NRG1: variants seen among roughly 807,000 people sequenced by gnomAD.
NRG1 encodes neuregulin 1, also known as pro-neuregulin-1, membrane-bound isoform.
Under a neutral mutation model 63.8 loss-of-function variants are expected in NRG1, and 18 were observed. The ratio of observed to expected loss-of-function variants is 0.28; its 90% CI spans 0.19 to 0.42. NRG1 has a LOEUF of 0.42. Among genes scored for constraint, NRG1 ranks in the 10% least tolerant of loss-of-function variants. The pLI is 1.00. For missense variants in NRG1, 762 were observed against 814.7 expected, an observed-to-expected ratio of 0.94 and a Z score of 0.79; for synonymous variants, 302 against 301.3, an observed-to-expected ratio of 1.00 and a Z score of -0.02.
chr8:32,453,775 G>A (rs1327667736), intron 1 of NRG1, among the ~76,000 whole-genome samples: 3 of 152,142 alleles, frequency 2.0e-5, no homozygotes, highest in Non-Finnish European at 2.9e-5. Flanking sequence ...AATAACTGAA[G>A]AAACCAGGTT....
At chr8:31,659,200 G>A (rs77828056) in intron 1 of NRG1, among the ~76,000 whole-genome samples, 3,818 of 152,272 alleles carry the variant, frequency 0.025, 90 homozygotes, top group Middle Eastern at 0.034. Flanking sequence ...TGCAGCGAGG[G>A]TTCCTTCACT....
intron 1 of NRG1, among the ~76,000 whole-genome samples, chr8:32,235,894 A>AT: frequency 6.6e-6 from 1 of 152,336 alleles, no homozygotes; most frequent in African/African-American, 2.4e-5. Flanking sequence ...TGAAGAACAG[A>AT]TAACTGCATT....
At chr8:32,403,822 T>A (rs1324089536) in intron 1 of NRG1, among the ~76,000 whole-genome samples, 2 of 152,124 alleles carry the variant, frequency 1.3e-5, no homozygotes, top group Non-Finnish European at 2.9e-5. Context: ...TGAAATTTGT[T>A]TTGTCTTCCC....
intron 1 of NRG1, among the ~76,000 whole-genome samples, chr8:32,572,092 CA>C (rs1416263370): frequency 6.6e-6 from 1 of 152,164 alleles, no homozygotes. Context: ...CTTTTTACCA[CA>C]AGTGTTTTTT....
intron 1 of NRG1, among the ~76,000 whole-genome samples, chr8:31,879,257 T>C (rs541124425): frequency 6.6e-6 from 1 of 152,300 alleles, no homozygotes; most frequent in African/African-American, 2.4e-5. Flanking sequence ...GTAGTCTTTA[T>C]TCCAATGAAA....
At chr8:31,969,137 C>A (rs1401636162) in intron 1 of NRG1, among the ~76,000 whole-genome samples, 2 of 152,144 alleles carry the variant, frequency 1.3e-5, no homozygotes, top group Non-Finnish European at 2.9e-5. Context: ...CATCTGTTTA[C>A]TCCATGTGAC....
At chr8:32,075,699 G>C (rs1426304963) in intron 1 of NRG1, among the ~76,000 whole-genome samples, 2 of 67,518 alleles carry the variant, frequency 3.0e-5, no homozygotes, top group Non-Finnish European at 6.1e-5. Context: ...TTGAGACGGA[G>C]TCTCGCTCTG....
At chr8:31,981,984 G>GA (rs1809192759) in intron 1 of NRG1, among the ~76,000 whole-genome samples, 1 of 151,872 alleles carries the variant, frequency 6.6e-6, no homozygotes, top group East Asian at 1.9e-4. Context: ...GATCTTTTGT[G>GA]AAAATGGAAC....
At chr8:31,940,805 T>C (rs1402494476) in intron 1 of NRG1, among the ~76,000 whole-genome samples, 1 of 152,038 alleles carries the variant, frequency 6.6e-6, no homozygotes, top group African/African-American at 2.4e-5. Context: ...CTAGGGGAGA[T>C]GGATAAATTC....
chr8:32,078,549 A>G (rs977769765), intron 1 of NRG1, among the ~76,000 whole-genome samples: 6 of 152,170 alleles, frequency 3.9e-5, no homozygotes, highest in African/African-American at 7.2e-5. Context: ...GATTTGCTAT[A>G]GGTATTGTTC....
At chr8:32,476,632 CT>C (rs780432252) in intron 1 of NRG1, among the ~76,000 whole-genome samples, 4 of 152,174 alleles carry the variant, frequency 2.6e-5, no homozygotes, top group Admixed American at 6.5e-5. Flanking sequence ...AGAACAGACT[CT>C]TTTTGGCAAC....
intron 1 of NRG1, among the ~76,000 whole-genome samples, chr8:32,492,372 A>G (rs1036452568): frequency 6.7e-6 from 1 of 150,320 alleles, no homozygotes; most frequent in Non-Finnish European, 1.5e-5. Context: ...AGTTTTTTCC[A>G]TGCACCAATA....
At chr8:32,379,692 C>G (rs1810096406) in intron 1 of NRG1, among the ~76,000 whole-genome samples, 1 of 152,154 alleles carries the variant, frequency 6.6e-6, no homozygotes, top group African/African-American at 2.4e-5. Context: ...AAGATATTAA[C>G]AAATCCTATC....
At chr8:32,015,406 A>G (rs747772717) in intron 1 of NRG1, among the ~76,000 whole-genome samples, 22 of 152,088 alleles carry the variant, frequency 1.4e-4, no homozygotes, top group Admixed American at 3.9e-4. Flanking sequence ...TTGGTCAGAA[A>G]AGTTTTAGTA....
intron 1 of NRG1, among the ~76,000 whole-genome samples, chr8:32,143,386 C>T (rs982112128): frequency 6.6e-6 from 1 of 152,260 alleles, no homozygotes; most frequent in African/African-American, 2.4e-5. Context: ...ATATCTTGCA[C>T]TAACAGCAAG....
intron 1 of NRG1, among the ~76,000 whole-genome samples, chr8:31,657,547 T>G (rs1343697078): frequency 6.6e-6 from 1 of 152,128 alleles, no homozygotes; most frequent in Non-Finnish European, 1.5e-5. Context: ...GAATCTGCAT[T>G]TTTGAAAAGC....
intron 11 of NRG1, among the ~76,000 whole-genome samples, chr8:32,761,343 T>A (rs1219626401): frequency 6.6e-6 from 1 of 152,150 alleles, no homozygotes; most frequent in Non-Finnish European, 1.5e-5. Flanking sequence ...TAATGTCAAA[T>A]CCATACTTAT....
chr8:31,813,204 A>T (rs1823056781), intron 1 of NRG1, among the ~76,000 whole-genome samples: 1 of 152,244 alleles, frequency 6.6e-6, no homozygotes, highest in Non-Finnish European at 1.5e-5. Flanking sequence ...CTTAAAATGT[A>T]AGAATAAGTG....
chr8:32,038,351 T>C (rs1233987839), intron 1 of NRG1, among the ~76,000 whole-genome samples: 1 of 151,982 alleles, frequency 6.6e-6, no homozygotes, highest in African/African-American at 2.4e-5. Flanking sequence ...GGTACCTCAA[T>C]TGAAGATGCA....
Sources: gnomAD v4.1 joint callset for allele counts (sites outside exome capture counted in the v4.1 genomes callset) on GRCh38, gnomAD v4.1.1 for gene constraint, MANE v1.5 for transcripts, NCBI Gene and HGNC (gene_info 2026-07-23, HGNC 2026-07-21) for gene names.